Variants in GPM6A observed in about 807,000 individuals in gnomAD.
GPM6A encodes neuronal membrane glycoprotein M6-a.
GPM6A carries 7 observed loss-of-function variants against 32.1 expected under a neutral mutation model. The observed-to-expected ratio is 0.22, with a 90% CI of 0.12 to 0.41. The LOEUF (loss-of-function observed/expected upper bound fraction) is 0.41, where lower values mean the gene tolerates loss of function less well. Ranked by LOEUF, GPM6A falls within the 10% of genes least tolerant of loss-of-function variation. GPM6A has a pLI of 1.00. For synonymous variants in GPM6A, 130 were observed against 123.4 expected (o/e 1.05, Z -0.35); for missense variants, 235 against 347.2 (o/e 0.68, Z 2.57).
rs116231074 is a variant in GPM6A at position 175,669,207 on chromosome 4, C to T, written c.387+4473G>A. Among the ~76,000 whole-genome samples the T allele has an allele frequency of 2.7e-3, 405 of 152,122 alleles. 5 individuals carry two copies. Among genetic ancestry groups the T allele is most frequent in the African/African-American group, 9.3e-3 (384 of 41,490 alleles). On this transcript the variant is annotated intron_variant, in intron 3 of 6. Coordinates refer to ENST00000393658, the MANE Select transcript of GPM6A (RefSeq NM_201591.3). ...TAAAATTTGATTTTAAGCTATGGAA[C>T]GGAGCTGTGAGTTATACAGAATAGA...
At chr4:175,842,480 C>G (rs1579559666) in intron 1 of GPM6A, among the ~76,000 whole-genome samples, 1 of 152,024 alleles carries the variant, frequency 6.6e-6, no homozygotes, top group Non-Finnish European at 1.5e-5. Flanking sequence ...CACTTGTGAT[C>G]CCAACACTGA....
At chr4:175,791,564 A>G (rs1262980910) in intron 1 of GPM6A, among the ~76,000 whole-genome samples, 5 of 152,222 alleles carry the variant, frequency 3.3e-5, no homozygotes, top group African/African-American at 1.2e-4. Flanking sequence ...TTAAATTTGC[A>G]TATTTAAAAT....
chr4:175,721,033 A>G (rs1746089676), intron 1 of GPM6A, among the ~76,000 whole-genome samples: 1 of 116,556 alleles, frequency 8.6e-6, no homozygotes, highest in Non-Finnish European at 1.8e-5. Flanking sequence ...ATACTAGTAC[A>G]TATATATTAT....
At chr4:175,984,522 T>C (rs1740916188) in intron 1 of GPM6A, among the ~76,000 whole-genome samples, 1 of 152,206 alleles carries the variant, frequency 6.6e-6, no homozygotes, top group Non-Finnish European at 1.5e-5. Flanking sequence ...TTCTTAGTGA[T>C]GTATAAGTTA....
intron 1 of GPM6A, among the ~76,000 whole-genome samples, chr4:176,000,988 T>A (rs1375748739): frequency 6.6e-6 from 1 of 152,178 alleles, no homozygotes; most frequent in Non-Finnish European, 1.5e-5. Context: ...TAAAAATGGG[T>A]CCTTCTAAGA....
chr4:175,894,513 A>C (rs1306422169), intron 1 of GPM6A, among the ~76,000 whole-genome samples: 1 of 152,162 alleles, frequency 6.6e-6, no homozygotes, highest in East Asian at 1.9e-4. Context: ...ATGAAAAGAA[A>C]GAGATTTTTA....
At chr4:175,862,568 A>G (rs554484216) in intron 1 of GPM6A, among the ~76,000 whole-genome samples, 6 of 152,322 alleles carry the variant, frequency 3.9e-5, no homozygotes, top group African/African-American at 1.2e-4. Flanking sequence ...GGTATTGACT[A>G]TTAAAGACAG....
chr4:175,906,754 G>A (rs979348497), intron 1 of GPM6A: 1 of 152,184 alleles, frequency 6.6e-6, no homozygotes, highest in Admixed American at 6.6e-5. Context: ...AGCTGTGGGT[G>A]CAGATGCTGC....
intron 3 of GPM6A, among the ~76,000 whole-genome samples, chr4:175,664,980 G>A (rs547200973): frequency 6.6e-6 from 1 of 152,276 alleles, no homozygotes; most frequent in African/African-American, 2.4e-5. Flanking sequence ...AATGCTGGAG[G>A]CAACTGTAAC....
chr4:175,872,139 T>C (rs1157569798), intron 1 of GPM6A, among the ~76,000 whole-genome samples: 1 of 152,236 alleles, frequency 6.6e-6, no homozygotes, highest in East Asian at 1.9e-4. Flanking sequence ...AAATCAATAC[T>C]AGAAGTAACA....
At chr4:175,716,119 A>G (rs1560892831) in intron 1 of GPM6A, among the ~76,000 whole-genome samples, 1 of 152,192 alleles carries the variant, frequency 6.6e-6, no homozygotes, top group Non-Finnish European at 1.5e-5. Context: ...CCCTAGCACA[A>G]TATCTGACAC....
chr4:175,930,476 T>C lies in GPM6A; in HGVS notation c.-23+71833A>G, dbSNP rs188106594. 5.0e-3 allele frequency among the ~76,000 whole-genome samples: 764 copies of C among 151,810 alleles called. 1 individual carries two copies. Among genetic ancestry groups the C allele is most frequent in the African/African-American group, 0.017 (708 of 41,426 alleles). On this transcript the variant is annotated intron_variant, in intron 1 of 7. Coordinates refer to the GPM6A transcript ENST00000280187. ...TTTTTTAAGTTTCAACATGAACTCA[T>C]CTTTCTAAGGAGCATTTTGGGTATT...
intron 2 of GPM6A, among the ~76,000 whole-genome samples, chr4:175,683,673 C>T (rs905262035): frequency 2.0e-5 from 3 of 152,046 alleles, no homozygotes; most frequent in Non-Finnish European, 4.4e-5. Context: ...TTAACTCTCT[C>T]TCTCTCCCTC....
intron 1 of GPM6A, among the ~76,000 whole-genome samples, chr4:175,702,749 T>G (rs1744952247): frequency 6.6e-6 from 1 of 152,174 alleles, no homozygotes; most frequent in South Asian, 2.1e-4. Context: ...ACTCTTGACC[T>G]CAAAACTCAG....
intron 1 of GPM6A, among the ~76,000 whole-genome samples, chr4:175,834,531 A>G (rs149330283): frequency 3.9e-4 from 60 of 152,202 alleles, no homozygotes; most frequent in Admixed American, 7.9e-4. Context: ...TGTGCTGTAA[A>G]CTCACATTGC....
At chr4:175,824,951 A>T (rs1735388201) in intron 1 of GPM6A, among the ~76,000 whole-genome samples, 1 of 152,218 alleles carries the variant, frequency 6.6e-6, no homozygotes, top group Non-Finnish European at 1.5e-5. Context: ...AAGTAAACAG[A>T]TGTTGACTAA....
intron 1 of GPM6A, among the ~76,000 whole-genome samples, chr4:176,001,166 G>C (rs965708828): frequency 6.6e-6 from 1 of 152,156 alleles, no homozygotes; most frequent in Non-Finnish European, 1.5e-5. Context: ...TGAGCCTGTG[G>C]GAATACAGGA....
intron 1 of GPM6A, among the ~76,000 whole-genome samples, chr4:175,959,408 T>C (rs917766668): frequency 6.6e-6 from 1 of 151,898 alleles, no homozygotes; most frequent in Non-Finnish European, 1.5e-5. Context: ...CTAGAAATGA[T>C]CCTGAATACA....
At chr4:175,994,785 T>C (rs553598139) in intron 1 of GPM6A, among the ~76,000 whole-genome samples, 6 of 152,298 alleles carry the variant, frequency 3.9e-5, no homozygotes, top group African/African-American at 1.2e-4. Context: ...TCATGAAAGA[T>C]TTCTCTGTAG....
Sources: allele counts gnomAD v4.1 joint callset (sites outside exome capture counted in the v4.1 genomes callset), GRCh38; gene constraint gnomAD v4.1.1; transcripts MANE v1.5; gene names NCBI Gene and HGNC (gene_info 2026-07-23, HGNC 2026-07-21).